VPS41: variants seen among roughly 807,000 people sequenced by gnomAD.
VPS41 encodes VPS41 subunit of HOPS complex.
VPS41 carries 85 observed loss-of-function variants against 130.9 expected under a neutral mutation model. That is an observed-to-expected ratio of 0.65 (90% confidence interval 0.55 to 0.78). VPS41 has a LOEUF of 0.78. Ranked by LOEUF, VPS41 falls within the 30% of genes least tolerant of loss-of-function variation. The probability of loss-of-function intolerance (pLI) is 0.00; values close to 1 mark genes in which losing one functional copy is unlikely to be tolerated. For synonymous variants in VPS41, 335 were observed against 332.9 expected, an observed-to-expected ratio of 1.01 and a Z score of -0.07; for missense variants, 874 against 1,018.7, an observed-to-expected ratio of 0.86 and a Z score of 1.93.
intron 2 of VPS41, among the ~76,000 whole-genome samples, chr7:38,895,343 A>C (rs1786959768): frequency 6.6e-6 from 1 of 152,118 alleles, no homozygotes; most frequent in African/African-American, 2.4e-5. Flanking sequence ...AAATAAAAAA[A>C]TAAAAAAAAC....
chr7:38,887,954 A>G (rs1375563157), intron 2 of VPS41, among the ~76,000 whole-genome samples: 2 of 152,240 alleles, frequency 1.3e-5, no homozygotes, highest in Non-Finnish European at 2.9e-5. Context: ...AGGAGAAATA[A>G]AATTCTTTAC....
intron 25 of VPS41, among the ~76,000 whole-genome samples, chr7:38,738,590 CATT>C (rs1795820241): frequency 6.6e-6 from 1 of 152,060 alleles, no homozygotes; most frequent in Non-Finnish European, 1.5e-5. Context: ...AATGTAAAAA[CATT>C]AGAAATTTGT....
chr7:38,741,368 G>A (rs1562567452), intron 25 of VPS41: 11 of 347,622 alleles, frequency 3.2e-5, no homozygotes, highest in Non-Finnish European at 6.3e-5. Flanking sequence ...TCTTTTTAAG[G>A]AAAAGATTAA....
At chr7:38,906,321 C>A (rs976048107) in intron 1 of VPS41, among the ~76,000 whole-genome samples, 6 of 150,728 alleles carry the variant, frequency 4.0e-5, no homozygotes, top group African/African-American at 1.5e-4. Flanking sequence ...CCATTTACAA[C>A]AGACTGCTGG....
In VPS41 at chr7:38,752,270, C is replaced by A; in HGVS notation, c.1832G>T (p.Arg611Leu). ...LFKRDHHKGQ[R>L]YHEKQISLYA... ...AAGACTGATCTGTTTTTCATGGTAA[C>A]GCTGCCCCTTATGGTGGTCTCTCTT... The change falls in exon 22 of 29, where the codon CGT becomes CTT. Residue 611 changes from arginine (R) to leucine (L), a missense_variant. Arg to Leu is a moderately radical substitution (Grantham distance 102). Coordinates refer to ENST00000310301, the MANE Select transcript of VPS41 (RefSeq NM_014396.4). The A allele has an allele frequency of 4.3e-6, 7 of 1,613,864 alleles. No individual in the cohort carries two copies. Among genetic ancestry groups the A allele is most frequent in the Non-Finnish European group, 5.9e-6 (7 of 1,179,854 alleles).
At chr7:38,881,379 T>C (rs1786603053) in intron 2 of VPS41, among the ~76,000 whole-genome samples, 1 of 152,228 alleles carries the variant, frequency 6.6e-6, no homozygotes, top group Non-Finnish European at 1.5e-5. Flanking sequence ...AGGATTATAC[T>C]GGCCCTGTCC....
intron 25 of VPS41, among the ~76,000 whole-genome samples, chr7:38,733,389 A>G (rs147319157): frequency 6.6e-6 from 1 of 152,312 alleles, no homozygotes; most frequent in East Asian, 1.9e-4. Flanking sequence ...TTTGTTTTTT[A>G]CGGTTATGCT....
rs529681725 is a variant in VPS41 at position 38,869,983 on chromosome 7, T to C, written c.61-730A>G. Among the ~76,000 whole-genome samples, 15 of 152,224 alleles carry C rather than the reference T, an allele frequency of 9.9e-5. No individual in the cohort carries two copies. The South Asian group carries it at 2.5e-3, about 25-fold the overall frequency. ...AAAGGGCTGCTGAGGCAACCTCAAC[T>C]AGAAGGATCAAGATTCCAGGGCAGC... On this transcript the variant is annotated intron_variant, in intron 2 of 28. Transcript: ENST00000310301.
At position 38,830,175 on chromosome 7, in the gene VPS41, A is replaced by G. The variant is rs1192632888; in HGVS notation, c.321+79T>C. 3 of 862,258 alleles carry G rather than the reference A, an allele frequency of 3.5e-6. No homozygotes were observed. In the African/African-American group the frequency reaches 5.0e-5, roughly 14 times the overall value. 53.4% of individuals were successfully genotyped at this position (862,258 alleles called of 1,614,324 possible). On this transcript the variant is annotated intron_variant, in intron 5 of 28. Coordinates refer to ENST00000310301, the MANE Select transcript of VPS41 (RefSeq NM_014396.4). Reference sequence around the variant, plus strand: ...TAATCAAGATTGTCTTAATGCAGTTATATAGTAAGCAAGGTGCTGTTCCGA... The same window carrying G: ...TAATCAAGATTGTCTTAATGCAGTTGTATAGTAAGCAAGGTGCTGTTCCGA...
chr7:38,826,405 T>G (rs1446603355), intron 5 of VPS41, among the ~76,000 whole-genome samples: 4 of 152,190 alleles, frequency 2.6e-5, no homozygotes, highest in Non-Finnish European at 5.9e-5. Flanking sequence ...AAACCATGCT[T>G]TAAGAAATAT....
intron 4 of VPS41, among the ~76,000 whole-genome samples, chr7:38,855,709 C>T (rs1785967683): frequency 6.6e-6 from 1 of 152,182 alleles, no homozygotes; most frequent in African/African-American, 2.4e-5. Flanking sequence ...ACACTTCCTT[C>T]CCTGATACCG....
At chr7:38,790,588 T>C (rs1434840526) in intron 9 of VPS41, among the ~76,000 whole-genome samples, 1 of 152,224 alleles carries the variant, frequency 6.6e-6, no homozygotes, top group Non-Finnish European at 1.5e-5. Flanking sequence ...AATGCAGTGA[T>C]GTGTAGGCAT....
chr7:38,908,555 G>T (rs1787319121), intron 1 of VPS41, among the ~76,000 whole-genome samples: 1 of 152,084 alleles, frequency 6.6e-6, no homozygotes, highest in South Asian at 2.1e-4. Context: ...ACCCTCTGAG[G>T]ACGGCCTTAT....
intron 17 of VPS41, among the ~76,000 whole-genome samples, chr7:38,761,263 CTTTTTTTTTTTTT>C (rs66692164): frequency 8.1e-4 from 46 of 57,028 alleles, no homozygotes; most frequent in Admixed American, 1.3e-3. Context: ...CTCTTCCTCT[CTTTTTTTTTTTTT>C]TTTTTTTTTT....
intron 3 of VPS41, among the ~76,000 whole-genome samples, chr7:38,864,076 T>C (rs544789342): frequency 6.6e-6 from 1 of 152,348 alleles, no homozygotes; most frequent in South Asian, 2.1e-4. Context: ...TGAGGCTATC[T>C]GTGGTAAAAG....
At chr7:38,783,539 A>G (rs1784389810) in intron 10 of VPS41, among the ~76,000 whole-genome samples, 1 of 152,190 alleles carries the variant, frequency 6.6e-6, no homozygotes, top group Non-Finnish European at 1.5e-5. Flanking sequence ...GTCTCAAAAA[A>G]AAAAAGAGAT....
chr7:38,812,959 T>C (rs1196796931), intron 7 of VPS41, among the ~76,000 whole-genome samples: 1 of 152,190 alleles, frequency 6.6e-6, no homozygotes, highest in Non-Finnish European at 1.5e-5. Flanking sequence ...ACAATCACTT[T>C]GGGAAACGGT....
chr7:38,770,998 G>GGAAACA (rs1784142806), intron 14 of VPS41, among the ~76,000 whole-genome samples, 200 bp downstream of exon 14: 1 of 152,050 alleles, frequency 6.6e-6, no homozygotes, highest in Non-Finnish European at 1.5e-5. Context: ...ACCTAAAACT[G>GGAAACA]CCTCCTAGCA....
In VPS41 at chr7:38,772,633, G is replaced by A. The variant is rs1009819007; in HGVS notation, c.1017C>T (p.Tyr339=). ...ENECRDYHLE[Y]SEGESLFYIV... ...TGTAAAAAAGTGATTCCCCTTCAGA[G>A]TATTCTGTAGGTGAGAAAAGAGAGG... is the stretch of plus-strand genomic sequence containing the variant. Residue 339 remains tyrosine, a synonymous_variant, in exon 13 of 29, where the codon TAC becomes TAT. Transcript: ENST00000310301. The A allele has an allele frequency of 6.2e-7, 1 of 1,602,752 alleles. No individual in the cohort carries two copies. Among genetic ancestry groups the A allele is most frequent in the Non-Finnish European group, 8.5e-7 (1 of 1,170,876 alleles).
Sources: allele counts gnomAD v4.1 joint callset (sites outside exome capture counted in the v4.1 genomes callset), GRCh38; gene constraint gnomAD v4.1.1; transcripts MANE v1.5; gene names NCBI Gene and HGNC (gene_info 2026-07-23, HGNC 2026-07-21).